The following CFAP299 variants were observed in gnomAD, a reference collection of about 807,000 sequenced individuals.
CFAP299 encodes the protein cilia and flagella associated protein 299, also known as cilia- and flagella-associated protein 299.
Under a neutral mutation model 27.0 loss-of-function variants are expected in CFAP299, and 21 were observed. The observed-to-expected ratio is 0.78, with a 90% CI of 0.55 to 1.12. The LOEUF (loss-of-function observed/expected upper bound fraction) is 1.12. CFAP299 is among the 50% of genes most tolerant of loss of function. CFAP299 has a pLI of 0.00. For missense variants in CFAP299, 310 were observed against 276.6 expected, an observed-to-expected ratio of 1.12 and a Z score of -0.86; for synonymous variants, 104 against 98.1, an observed-to-expected ratio of 1.06 and a Z score of -0.36.
chr4:80,698,684 A>G (rs544657031), intron 3 of CFAP299, among the ~76,000 whole-genome samples: 1 of 152,368 alleles, frequency 6.6e-6, no homozygotes, highest in African/African-American at 2.4e-5. Flanking sequence ...TAATTGACTC[A>G]CAGTTCCACA....
intron 3 of CFAP299, among the ~76,000 whole-genome samples, chr4:80,819,198 T>C (rs1729572370): frequency 6.6e-6 from 1 of 152,022 alleles, no homozygotes; most frequent in Admixed American, 6.6e-5. Flanking sequence ...AGAGACAATA[T>C]ACTCTGTCAG....
At chr4:80,628,060 C>CATT (rs2109941494) in intron 3 of CFAP299, among the ~76,000 whole-genome samples, 1 of 152,144 alleles carries the variant, frequency 6.6e-6, no homozygotes, top group South Asian at 2.1e-4. Context: ...AAGCTAAAGA[C>CATT]ATTACACTAC....
chr4:80,939,971 C>T (rs1039038791), intron 4 of CFAP299, among the ~76,000 whole-genome samples: 3 of 152,120 alleles, frequency 2.0e-5, no homozygotes, highest in Non-Finnish European at 4.4e-5. Context: ...TGGCAATGCC[C>T]TGAAGTATTT....
At chr4:80,485,713 G>C (rs1730783697) in intron 2 of CFAP299, among the ~76,000 whole-genome samples, 2 of 152,108 alleles carry the variant, frequency 1.3e-5, no homozygotes, top group Admixed American at 1.3e-4. Flanking sequence ...AAGAAAAAAG[G>C]ATAGATGAAG....
At chr4:80,400,748 A>G (rs565659810) in intron 2 of CFAP299, among the ~76,000 whole-genome samples, 23 of 152,208 alleles carry the variant, frequency 1.5e-4, no homozygotes, top group Non-Finnish European at 3.1e-4. Context: ...ACCTGAAAAT[A>G]TATAAGTGAC....
chr4:80,866,715 G>A (rs1274794553), intron 3 of CFAP299, among the ~76,000 whole-genome samples: 1 of 152,054 alleles, frequency 6.6e-6, no homozygotes, highest in Non-Finnish European at 1.5e-5. Flanking sequence ...AAGTCCTCCA[G>A]CATCAGAAAA....
chr4:80,445,711 T>A (rs77483989), intron 2 of CFAP299, among the ~76,000 whole-genome samples: 14,647 of 152,202 alleles, frequency 0.096, 1,552 homozygotes, highest in African/African-American at 0.26. Context: ...TAAGCATAGT[T>A]TGCTTATTTG....
intron 3 of CFAP299, among the ~76,000 whole-genome samples, chr4:80,734,581 G>C (rs1314296644): frequency 1.3e-5 from 2 of 152,032 alleles, no homozygotes; most frequent in Non-Finnish European, 2.9e-5. Flanking sequence ...GTTTTATGTA[G>C]TAGTTTCATA....
At position 80,613,526 on chromosome 4, in the gene CFAP299, G is replaced by C. The variant is rs116357271; in HGVS notation, c.333+30343G>C. ...TGCATAATGTCAATTAAGACAAATA[G>C]AAACACTTTTTCCTCCCTGAACCTA... is the stretch of plus-strand genomic sequence containing the variant. On this transcript the variant is annotated intron_variant, in intron 3 of 5. Transcript: ENST00000358105. Among the ~76,000 whole-genome samples the C allele has an allele frequency of 4.1e-3, 620 of 152,174 alleles. 6 individuals are homozygous for C. The highest frequency in any genetic ancestry group is 0.015 in the African/African-American group (603 of 41,498).
In CFAP299 at chr4:80,621,011, CT is replaced by C. The variant is rs200607829; in HGVS notation, c.333+37837del. On this transcript the variant is annotated intron_variant, in intron 3 of 5. Coordinates refer to ENST00000358105, the MANE Select transcript of CFAP299 (RefSeq NM_152770.3). ...GTTCCGCACTTACCTAACAGCCTAT[CT>C]TTTTTTTTATCATTAACCAAGTAAC... Among the ~76,000 whole-genome samples, 183 of 151,456 alleles carry C rather than the reference CT, an allele frequency of 1.2e-3. 1 individual carries two copies. Among genetic ancestry groups the C allele is most frequent in the African/African-American group, 4.3e-3 (177 of 41,338 alleles).
intron 3 of CFAP299, among the ~76,000 whole-genome samples, chr4:80,742,908 T>C (rs2110065397): frequency 6.6e-6 from 1 of 152,280 alleles, no homozygotes; most frequent in South Asian, 2.1e-4. Context: ...ATGTTAGATC[T>C]TACAGTAAAT....
At position 80,608,246 on chromosome 4, in the gene CFAP299, G is replaced by A. The variant is rs1292082290; in HGVS notation, c.333+25063G>A. 16 of 804,884 alleles carry A rather than the reference G, an allele frequency of 2.0e-5. No individual in the cohort carries two copies. The Admixed American group carries it at 2.9e-4, about 14-fold the overall frequency. The allele number at this position is 804,884 out of a possible 1,614,324, so 49.9% of individuals were successfully genotyped here. A position where few individuals can be genotyped will look rare whatever the true frequency, so the allele number is the denominator to read the frequency against. ...ATAACTGATTCCAACAGTACCAGAG[G>A]GTGGGGTTCAAGCTATACTTTAGAT... is the stretch of plus-strand genomic sequence containing the variant. On this transcript the variant is annotated intron_variant, in intron 3 of 5. Transcript: ENST00000358105.
chr4:80,806,795 G>A (rs1455144410), intron 3 of CFAP299, among the ~76,000 whole-genome samples: 1 of 152,148 alleles, frequency 6.6e-6, no homozygotes, highest in Non-Finnish European at 1.5e-5. Flanking sequence ...CACAGTATCT[G>A]TTTATTCACA....
At position 80,636,483 on chromosome 4, in the gene CFAP299, A is replaced by T. The variant is rs74824266; in HGVS notation, c.333+53300A>T. 1.9e-3 allele frequency among the ~76,000 whole-genome samples: 284 copies of T among 152,342 alleles called. 5 individuals are homozygous for T. In the East Asian group the frequency reaches 0.051, roughly 27 times the overall value. On this transcript the variant is annotated intron_variant, in intron 3 of 5. Coordinates refer to ENST00000358105, the MANE Select transcript of CFAP299 (RefSeq NM_152770.3). ...TTTGCATTTGTTCATAAATAGTCAA[A>T]GGACTGCTCAAGTGACTATAAAAAT... is the stretch of plus-strand genomic sequence containing the variant.
intron 3 of CFAP299, among the ~76,000 whole-genome samples, chr4:80,608,861 ATGTGTGTGTG>A (rs33963629): frequency 1.0e-4 from 15 of 146,806 alleles, no homozygotes; most frequent in Non-Finnish European, 1.6e-4. Flanking sequence ...TACACGATGC[ATGTGTGTGTG>A]TGTGTGTGTG....
chr4:80,538,305 AAG>A (rs765122117), intron 2 of CFAP299, among the ~76,000 whole-genome samples: 1 of 152,274 alleles, frequency 6.6e-6, no homozygotes, highest in South Asian at 2.1e-4. Context: ...GTTATTTAAA[AAG>A]AGTTAAAAAG....
upstream of CFAP299, among the ~76,000 whole-genome samples, chr4:80,335,527 C>T (rs914716783): frequency 6.6e-6 from 1 of 152,154 alleles, no homozygotes; most frequent in Non-Finnish European, 1.5e-5. Flanking sequence ...TCTGGTTGCT[C>T]AACAGTTCAC....
At chr4:80,679,846 A>G (rs1271573643) in intron 3 of CFAP299, among the ~76,000 whole-genome samples, 2 of 151,424 alleles carry the variant, frequency 1.3e-5, no homozygotes, top group South Asian at 2.1e-4. Flanking sequence ...ATTTTCATAC[A>G]TTGTCAGATA....
chr4:80,749,428 A>C (rs1292863439), intron 3 of CFAP299, among the ~76,000 whole-genome samples: 3 of 152,234 alleles, frequency 2.0e-5, no homozygotes, highest in Non-Finnish European at 4.4e-5. Context: ...GAACTCACAG[A>C]ATATATGTAC....
Sources: gnomAD v4.1 joint callset for allele counts (sites outside exome capture counted in the v4.1 genomes callset) on GRCh38, gnomAD v4.1.1 for gene constraint, MANE v1.5 for transcripts, NCBI Gene and HGNC (gene_info 2026-07-23, HGNC 2026-07-21) for gene names.